NPC1: variants seen among roughly 807,000 people sequenced by gnomAD.
NPC1 encodes NPC intracellular cholesterol transporter 1, also known as Niemann-Pick C1 protein.
Under a neutral mutation model 140.4 loss-of-function variants are expected in NPC1, and 85 were observed. The observed-to-expected ratio is 0.61, with a 90% CI of 0.51 to 0.72. The LOEUF (loss-of-function observed/expected upper bound fraction) is 0.72. Among genes scored for constraint, NPC1 ranks in the 30% least tolerant of loss-of-function variants. The pLI, the probability that NPC1 is intolerant of heterozygous loss-of-function variation, is 0.00. For missense variants in NPC1, 1,504 were observed against 1,623.8 expected (o/e 0.93, Z 1.27); for synonymous variants, 656 against 624.8 (o/e 1.05, Z -0.74).
chr18:23,577,375 GTATTTACAATCCT>G (rs1405990496), intron 1 of NPC1, among the ~76,000 whole-genome samples: 1 of 149,580 alleles, frequency 6.7e-6, no homozygotes, highest in Non-Finnish European at 1.5e-5. Flanking sequence ...GCTGATTGGT[GTATTTACAATCCT>G]TGAGCTAGAC....
chr18:23,539,950 C>A lies in NPC1; in HGVS notation c.2656G>T (p.Gly886Cys). The change falls in exon 18 of 25, where the codon GGT becomes TGT. Residue 886 changes from glycine to cysteine, a missense_variant. By Grantham distance (159) the Gly-to-Cys change is radical. Coordinates refer to ENST00000269228, the MANE Select transcript of NPC1 (RefSeq NM_000271.5). The stretch of plus-strand genomic sequence containing the variant: ...TCCAGGACAAAGTACACAGGCGGAC[C>A]CGCATGCAGGTACTGACTGATGGAT... ...FKSISQYLHA[G>C]PPVYFVLEEG... 3 of 1,614,130 alleles carry A rather than the reference C, an allele frequency of 1.9e-6. No homozygotes were observed. Among genetic ancestry groups the A allele is most frequent in the Non-Finnish European group, 2.5e-6 (3 of 1,180,024 alleles).
At chr18:23,565,962 G>A (rs142287422) in intron 4 of NPC1, among the ~76,000 whole-genome samples, 335 of 151,902 alleles carry the variant, frequency 2.2e-3, no homozygotes, top group Middle Eastern at 6.8e-3. Context: ...TAATTCCCTC[G>A]TATCTTCCAG....
Position 23,531,521 on chromosome 18 carries a change from TAAAG to T in NPC1, c.*677_*680del. The T allele has an allele frequency of 7.3e-6, 11 of 1,515,478 alleles. No homozygotes were observed. The highest frequency in any genetic ancestry group is 8.8e-6 in the Non-Finnish European group (10 of 1,138,396). The allele number at this position is 1,515,478 out of a possible 1,614,324, so 93.9% of individuals were successfully genotyped here. On this transcript the variant is annotated 3_prime_UTR_variant, in exon 25 of 25. Transcript: ENST00000269228. Reference sequence around the variant, plus strand: ...AACTTAGGAAAACAATGTATTTTATTAAAGAAAAATAAGTTAAAACCCAGTAGAC... The same window carrying T: ...AACTTAGGAAAACAATGTATTTTATTAAAAATAAGTTAAAACCCAGTAGAC...
intron 10 of NPC1, among the ~76,000 whole-genome samples, chr18:23,550,136 C>T (rs1270973923): frequency 6.6e-6 from 1 of 151,948 alleles, no homozygotes; most frequent in Non-Finnish European, 1.5e-5. Flanking sequence ...CTCAGCCTCC[C>T]GAGTAGCTGG....
At chr18:23,580,673 TGGA>T (rs976519128) in intron 1 of NPC1, among the ~76,000 whole-genome samples, 3 of 152,218 alleles carry the variant, frequency 2.0e-5, no homozygotes, top group Non-Finnish European at 4.4e-5. Context: ...AGTGAGGCGA[TGGA>T]GGAGAGGGGC....
intron 1 of NPC1, among the ~76,000 whole-genome samples, chr18:23,577,951 A>T (rs1237389555): frequency 1.3e-5 from 2 of 152,128 alleles, no homozygotes; most frequent in Admixed American, 6.5e-5. Context: ...GCCCACGCCC[A>T]CCCGGAACTC....
Position 23,544,943 on chromosome 18 carries a change from A to ACACCCCCCC in NPC1, c.1947+16_1947+17insGGGGGGGTG, listed in dbSNP as rs1555634621. 4.8e-6 allele frequency: 5 copies of ACACCCCCCC among 1,042,312 alleles called. No homozygotes were observed. The highest frequency in any genetic ancestry group is 5.6e-6 in the Non-Finnish European group (4 of 717,084). 64.6% of individuals were successfully genotyped at this position (1,042,312 alleles called of 1,614,324 possible). ...GCTGTTAACCTCTAGAACATACACC[A>ACACCCCCCC]CCCCCCCCCGGCTTACCAGAAGCCT... On this transcript the variant is annotated intron_variant, in intron 12 of 24. Coordinates refer to ENST00000269228, the MANE Select transcript of NPC1 (RefSeq NM_000271.5).
At position 23,586,494 on chromosome 18, in the gene NPC1, G is replaced by A; in HGVS notation, c.-151C>T. On this transcript the variant is annotated 5_prime_UTR_variant, in exon 1 of 25. Coordinates refer to ENST00000269228, the MANE Select transcript of NPC1 (RefSeq NM_000271.5). ...CTGACCGCGGCAGCAGGCTGCGCGCGCCGGTCAGGAAGGAAGAAGGCGTCG... is the reference window on the plus strand; with the variant it reads ...CTGACCGCGGCAGCAGGCTGCGCGCACCGGTCAGGAAGGAAGAAGGCGTCG... 1 of 1,421,192 alleles carries A rather than the reference G, an allele frequency of 7.0e-7. No homozygotes were observed. Among genetic ancestry groups the A allele is most frequent in the Middle Eastern group, 2.6e-4 (1 of 3,914 alleles). 88.0% of individuals were successfully genotyped at this position (1,421,192 alleles called of 1,614,324 possible). A position where few individuals can be genotyped will look rare whatever the true frequency, so the allele number is the denominator to read the frequency against.
At chr18:23,529,025 A>G, downstream of NPC1, 1 of 1,188,434 alleles carries the variant, frequency 8.4e-7, no homozygotes. Flanking sequence ...GATTACAGGC[A>G]TGCGCACAGG....
intron 9 of NPC1, among the ~76,000 whole-genome samples, chr18:23,552,543 G>A (rs913232283): frequency 6.6e-6 from 1 of 152,236 alleles, no homozygotes; most frequent in Non-Finnish European, 1.5e-5. Flanking sequence ...AAAGTGGAAG[G>A]TCTGGAAACG....
At chr18:23,556,641 T>C (rs1361153133) in intron 7 of NPC1, 28 bp from the exon 8 acceptor site, 1 of 1,612,076 alleles carries the variant, frequency 6.2e-7, no homozygotes, top group African/African-American at 1.3e-5. Flanking sequence ...GAAGGGAAGG[T>C]GGAGGTTAAG....
intron 1 of NPC1, among the ~76,000 whole-genome samples, chr18:23,579,871 A>G (rs1239136371): frequency 7.6e-6 from 1 of 132,080 alleles, no homozygotes; most frequent in African/African-American, 3.1e-5. Flanking sequence ...GGTAACAGAG[A>G]GAGACTCCAT....
Position 23,541,071 on chromosome 18 carries a change from A to G in NPC1, c.2511T>C (p.Ile837=), listed in dbSNP as rs369793282. The change falls in exon 16 of 25, where the codon ATT becomes ATC. Residue 837 remains isoleucine (I), a synonymous_variant. Coordinates refer to ENST00000269228, the MANE Select transcript of NPC1 (RefSeq NM_000271.5). ...PLLLKDWMRP[I]VIAIFVGVLS... ...AAAACCACAGATAAGCGCATACCAC[A>G]ATTGGTCTCATCCAGTCCTTTAGCA... is the stretch of plus-strand genomic sequence containing the variant. The G allele has an allele frequency of 5.0e-6, 8 of 1,614,186 alleles. No individual in the cohort carries two copies. Among genetic ancestry groups the G allele is most frequent in the Non-Finnish European group, 6.8e-6 (8 of 1,180,018 alleles).
intron 3 of NPC1, among the ~76,000 whole-genome samples, chr18:23,571,372 G>A (rs111606980): frequency 7.9e-5 from 12 of 152,006 alleles, no homozygotes; most frequent in African/African-American, 2.4e-4. Context: ...ATAAAAATTA[G>A]GCTAGGTGCA....
chr18:23,566,722 G>A (rs1237604616), intron 4 of NPC1, among the ~76,000 whole-genome samples: 9 of 152,112 alleles, frequency 5.9e-5, no homozygotes, highest in Admixed American at 5.2e-4. Context: ...GCATGTTTGT[G>A]TACTTGTTTT....
Position 23,535,455 on chromosome 18 carries a change from G to A in NPC1, c.3477+14C>T, listed in dbSNP as rs56043719. On this transcript the variant is annotated intron_variant, in intron 22 of 24. Transcript: ENST00000269228. The stretch of plus-strand genomic sequence containing the variant: ...CAGGAGCTAGGGACAAACTGAGACT[G>A]TATGAGGACTCACCATCACCAGGTT... The A allele has an allele frequency of 2.0e-4, 322 of 1,572,940 alleles. 1 individual carries two copies. The highest frequency in any genetic ancestry group is 2.6e-4 in the Non-Finnish European group (302 of 1,145,952).
In NPC1 at chr18:23,535,627, C is replaced by T; in HGVS notation, c.3319G>A (p.Gly1107Ser). The T allele has an allele frequency of 6.2e-7, 1 of 1,614,058 alleles. No individual in the cohort carries two copies. The highest frequency in any genetic ancestry group is 1.3e-5 in the African/African-American group (1 of 75,000). Residue 1107 changes from glycine to serine, a missense_variant, in exon 22 of 25, where the codon GGC becomes AGC. Transcript: ENST00000269228. Reference protein sequence around the residue: ...DTIFNLGVSLGAIFLVTMVLL... With the variant: ...DTIFNLGVSLSAIFLVTMVLL... ...ACCATGGTCACCAGAAATATCGCGC[C>T]CAGGGACACACCGAGGTTGAAGATA...
At chr18:23,530,467 G>C (rs766650743), downstream of NPC1, 44 of 1,614,130 alleles carry the variant, frequency 2.7e-5, no homozygotes, top group East Asian at 9.6e-4. Flanking sequence ...GGTTTATCCG[G>C]GGCATTGGTG....
chr18:23,529,387 C>A, downstream of NPC1: 1 of 1,503,270 alleles, frequency 6.7e-7, no homozygotes. Flanking sequence ...TGATTAGAGT[C>A]ACTTGAAGTG....
Sources: allele counts gnomAD v4.1 joint callset (sites outside exome capture counted in the v4.1 genomes callset), GRCh38; gene constraint gnomAD v4.1.1; transcripts MANE v1.5; gene names NCBI Gene and HGNC (gene_info 2026-07-23, HGNC 2026-07-21).